Variants in CDC45 observed in about 807,000 individuals in gnomAD.
CDC45 encodes the protein cell division cycle 45, also known as cell division control protein 45 homolog.
CDC45 carries 54 observed loss-of-function variants against 77.8 expected under a neutral mutation model. The observed-to-expected ratio is 0.69, with a 90% confidence interval of 0.56 to 0.87. The LOEUF (loss-of-function observed/expected upper bound fraction) is 0.87, where lower values mean the gene tolerates loss of function less well. Among genes scored for constraint, CDC45 ranks in the 40% least tolerant of loss-of-function variants. The probability of loss-of-function intolerance (pLI) is 0.00; values close to 1 mark genes in which losing one functional copy is unlikely to be tolerated. For missense variants in CDC45, 649 were observed against 721.6 expected, an observed-to-expected ratio of 0.90 and a Z score of 1.15; for synonymous variants, 260 against 272.1, an observed-to-expected ratio of 0.96 and a Z score of 0.44.
intron 10 of CDC45, 53 bp downstream of exon 10, chr22:19,505,534 C>A: frequency 4.4e-6 from 7 of 1,601,574 alleles, no homozygotes; most frequent in Non-Finnish European, 6.0e-6. Context: ...GCTCAGCAGG[C>A]CTTGTTTGCT....
At chr22:19,507,685 G>A (rs765172912) in intron 11 of CDC45, 81 bp from the exon 12 acceptor site, 90 of 1,362,678 alleles carry the variant, frequency 6.6e-5, no homozygotes, top group Non-Finnish European at 8.6e-5. Flanking sequence ...GGACATCCTC[G>A]CTTGCCCTTG....
chr22:19,486,923 ACCT>A (rs1199557470), intron 5 of CDC45, among the ~76,000 whole-genome samples: 1 of 151,560 alleles, frequency 6.6e-6, no homozygotes, highest in East Asian at 2.0e-4. Flanking sequence ...TGATCCTCCC[ACCT>A]TGGCCTCCCA....
chr22:19,501,889 G>T (rs542229133), intron 9 of CDC45, among the ~76,000 whole-genome samples: 3 of 151,996 alleles, frequency 2.0e-5, no homozygotes, highest in Non-Finnish European at 2.9e-5. Context: ...TAATTTTTTT[G>T]ATTTTTTTGT....
At chr22:19,491,432 G>A (rs950469892) in intron 5 of CDC45, among the ~76,000 whole-genome samples, 1 of 149,122 alleles carries the variant, frequency 6.7e-6, no homozygotes, top group Non-Finnish European at 1.5e-5. Flanking sequence ...AGAATTTCTT[G>A]ATTTTTTTTT....
chr22:19,511,522 A>C (rs945317336), intron 13 of CDC45, among the ~76,000 whole-genome samples: 1 of 151,832 alleles, frequency 6.6e-6, no homozygotes, highest in African/African-American at 2.4e-5. Context: ...TAGAGATGAG[A>C]TCTTACCATG....
intron 5 of CDC45, among the ~76,000 whole-genome samples, chr22:19,489,492 G>A (rs750245175): frequency 1.3e-5 from 2 of 152,086 alleles, no homozygotes; most frequent in Non-Finnish European, 2.9e-5. Context: ...GAATTATACA[G>A]TATGTAGCCT....
chr22:19,505,578 AG>A, intron 10 of CDC45, 97 bp downstream of exon 10: 2 of 1,390,104 alleles, frequency 1.4e-6, no homozygotes, highest in Non-Finnish European at 2.0e-6. Context: ...CCACATCCCC[AG>A]GAGGGAAAGC....
intron 4 of CDC45, 81 bp downstream of exon 4, chr22:19,482,908 G>A (rs1264263490): frequency 7.5e-7 from 1 of 1,329,104 alleles, no homozygotes; most frequent in African/African-American, 1.5e-5. Context: ...TTGGTAAGGT[G>A]TGTGTCTGAC....
intron 7 of CDC45, among the ~76,000 whole-genome samples, chr22:19,496,796 C>T (rs1568922706): frequency 6.6e-6 from 1 of 152,186 alleles, no homozygotes; most frequent in Non-Finnish European, 1.5e-5. Context: ...ACCAGTCTTC[C>T]TCAAGGTCTT....
chr22:19,498,193 A>G (rs577362702), intron 8 of CDC45, among the ~76,000 whole-genome samples: 6 of 152,146 alleles, frequency 3.9e-5, no homozygotes, highest in African/African-American at 9.6e-5. Flanking sequence ...GCCAGGTGTC[A>G]TAGTGTGTAC....
upstream of CDC45, chr22:19,479,864 G>A (rs1389107084): frequency 3.5e-6 from 4 of 1,139,282 alleles, no homozygotes; most frequent in Admixed American, 1.7e-5. Context: ...CTATTGGTTG[G>A]TGATCCCTGG....
At chr22:19,516,497 C>G (rs1415995763) in intron 15 of CDC45, 30 bp from the exon 16 acceptor site, 1 of 1,571,422 alleles carries the variant, frequency 6.4e-7, no homozygotes, top group South Asian at 1.1e-5. Context: ...CCCACCATAC[C>G]CTGACGGAGG....
At chr22:19,499,781 C>G (rs1398150992) in intron 9 of CDC45, among the ~76,000 whole-genome samples, 2 of 152,228 alleles carry the variant, frequency 1.3e-5, no homozygotes, top group Non-Finnish European at 2.9e-5. Flanking sequence ...TAGTGGCCAT[C>G]AGGCAGAATC....
In CDC45 at chr22:19,480,955, C is replaced by T; in HGVS notation, c.114C>T (p.Ala38=). 1 of 1,607,162 alleles carries T rather than the reference C, an allele frequency of 6.2e-7. No individual in the cohort carries two copies. The highest frequency in any genetic ancestry group is 8.5e-7 in the Non-Finnish European group (1 of 1,175,130). The part of the protein sequence containing the change: ...DALCACKILQ[A]LFQCDHVQYT... ...CTTTGAAAACACTCTCTCTCCAGGC[C>T]TTGTTCCAGTGTGACCACGTGCAAT... The change falls in exon 3 of 19, where the codon GCC becomes GCT. Residue 38 remains alanine, a splice_region_variant and synonymous_variant. Transcript: ENST00000263201.
rs34362795 is a variant in CDC45 at position 19,511,918 on chromosome 22, G to GT, written c.1218-2811dup. On this transcript the variant is annotated intron_variant, in intron 13 of 18. Coordinates refer to ENST00000263201, the MANE Select transcript of CDC45 (RefSeq NM_003504.5). ...ACATTAGGAGTATGATTCACTGGAG[G>GT]TTTTTTTTTTTTTTTTTTTTGAGAC... Among the ~76,000 whole-genome samples, 241 of 108,684 alleles carry GT rather than the reference G, an allele frequency of 2.2e-3. 1 individual carries two copies. Among genetic ancestry groups the GT allele is most frequent in the South Asian group, 6.1e-3 (19 of 3,098 alleles). The allele number at this position is 108,684 out of a possible 152,430, so 71.3% of individuals were successfully genotyped here.
At chr22:19,501,568 C>T (rs1932903754) in intron 9 of CDC45, among the ~76,000 whole-genome samples, 1 of 152,204 alleles carries the variant, frequency 6.6e-6, no homozygotes, top group Non-Finnish European at 1.5e-5. Context: ...CAACAAGCAT[C>T]TAAAATAATT....
intron 18 of CDC45, 78 bp downstream of exon 18, chr22:19,518,987 C>A: frequency 9.3e-7 from 1 of 1,075,090 alleles, no homozygotes; most frequent in Non-Finnish European, 1.4e-6. Context: ...TCTGTCCTCC[C>A]TCAACGGAGG....
At position 19,505,162 on chromosome 22, in the gene CDC45, A is replaced by C. The variant is rs904640760; in HGVS notation, c.705-200A>C. 8.3e-6 allele frequency: 5 copies of C among 599,508 alleles called. No homozygotes were observed. In the Admixed American group the frequency reaches 8.8e-5, roughly 11 times the overall value. The allele number at this position is 599,508 out of a possible 1,614,324, so 37.1% of individuals were successfully genotyped here. A position where few individuals can be genotyped will look rare whatever the true frequency, so the allele number is the denominator to read the frequency against. On this transcript the variant is annotated intron_variant, in intron 9 of 18. Transcript: ENST00000263201. ...GGAGGTGGACAAGGCTAGAGACCAC[A>C]CCCCCCCGCTCCATCCAATCATGTT...
intron 18 of CDC45, 43 bp downstream of exon 18, chr22:19,518,952 T>TG: frequency 6.9e-7 from 1 of 1,456,894 alleles, no homozygotes; most frequent in Non-Finnish European, 9.6e-7. Flanking sequence ...AGCAGCCCCC[T>TG]CAGAGCCCGA....
Sources: gnomAD v4.1 joint callset for allele counts (sites outside exome capture counted in the v4.1 genomes callset) on GRCh38, gnomAD v4.1.1 for gene constraint, MANE v1.5 for transcripts, NCBI Gene and HGNC (gene_info 2026-07-23, HGNC 2026-07-21) for gene names.